GSG1L: variants seen among roughly 807,000 people sequenced by gnomAD.
GSG1L encodes the protein GSG1 like, also known as germ cell-specific gene 1-like protein.
In GSG1L, 24 loss-of-function variants were observed where a neutral mutation model predicts 42.1. The observed-to-expected ratio is 0.57, with a 90% confidence interval of 0.41 to 0.80. The LOEUF (loss-of-function observed/expected upper bound fraction) is 0.80. Ranked by LOEUF, GSG1L falls within the 30% of genes least tolerant of loss-of-function variation. GSG1L has a pLI of 0.00. For synonymous variants in GSG1L, 215 were observed against 203.5 expected (o/e 1.06, Z -0.48); for missense variants, 445 against 472.2 (o/e 0.94, Z 0.53).
At chr16:27,907,131 A>C (rs574825437) in intron 2 of GSG1L, among the ~76,000 whole-genome samples, 2 of 152,220 alleles carry the variant, frequency 1.3e-5, no homozygotes, top group Non-Finnish European at 2.9e-5. Flanking sequence ...AATTTGCAGA[A>C]ACATCTGTTG....
chr16:27,919,223 G>T (rs1024282739), intron 2 of GSG1L, among the ~76,000 whole-genome samples: 1 of 152,112 alleles, frequency 6.6e-6, no homozygotes, highest in Non-Finnish European at 1.5e-5. Context: ...TAAGGAGGAA[G>T]GAGTCAGTAC....
chr16:27,836,427 A>G (rs190525645), intron 4 of GSG1L, among the ~76,000 whole-genome samples: 4 of 151,958 alleles, frequency 2.6e-5, no homozygotes, highest in Non-Finnish European at 1.5e-5. Flanking sequence ...GTTTTCAGCC[A>G]TTATTTCTTT....
intron 3 of GSG1L, among the ~76,000 whole-genome samples, chr16:27,874,722 T>C (rs1320133225): frequency 6.6e-6 from 1 of 152,194 alleles, no homozygotes; most frequent in Non-Finnish European, 1.5e-5. Context: ...CTTGCCAACC[T>C]TGCCCTATGT....
intron 2 of GSG1L, among the ~76,000 whole-genome samples, chr16:27,915,196 TACACACACACACAC>T (rs66820312): frequency 1.2e-3 from 143 of 121,862 alleles, no homozygotes; most frequent in African/African-American, 2.4e-3. Flanking sequence ...CCAGAGGATG[TACACACACACACAC>T]ACACACACAC....
At chr16:27,850,812 T>A (rs12927708) in intron 3 of GSG1L, among the ~76,000 whole-genome samples, 87 of 51,030 alleles carry the variant, frequency 1.7e-3, no homozygotes, top group South Asian at 6.9e-3. Context: ...TTTTTTTTTA[T>A]TTTTTTTTTG....
rs142336950 is a variant in GSG1L at position 27,810,599 on chromosome 16, T to C, written c.831-3045A>G. 1.7e-3 allele frequency among the ~76,000 whole-genome samples: 262 copies of C among 152,286 alleles called. 1 individual carries two copies. Among genetic ancestry groups the C allele is most frequent in the African/African-American group, 5.9e-3 (244 of 41,566 alleles). ...TTATAAGGATCTCCTGTGGCCTGAG[T>C]GGCCCTAGGCACCAAACCAAAAGAA... On this transcript the variant is annotated intron_variant, in intron 5 of 6. Transcript: ENST00000447459.
At chr16:27,829,060 C>T in intron 4 of GSG1L, 104 bp from the exon 5 acceptor site, 1 of 1,104,626 alleles carries the variant, frequency 9.1e-7, no homozygotes, top group African/African-American at 1.6e-5. Context: ...GCTGCCTTTT[C>T]CTCTGGTACT....
intron 5 of GSG1L, among the ~76,000 whole-genome samples, chr16:27,818,305 T>C: frequency 6.6e-6 from 1 of 152,200 alleles, no homozygotes. Flanking sequence ...TCCTTTCAGA[T>C]GTTCCTCCCA....
intron 5 of GSG1L, among the ~76,000 whole-genome samples, chr16:27,815,936 C>T (rs1176163063): frequency 1.3e-5 from 2 of 152,112 alleles, no homozygotes; most frequent in African/African-American, 2.4e-5. Flanking sequence ...TGCACTCCAG[C>T]CTGGGTGACA....
At position 28,055,630 on chromosome 16, in the gene GSG1L, C is replaced by A. The variant is rs544004585; in HGVS notation, c.349+7446G>T. ...GGGACTACAGCTGCCTGCCACCACC[C>A]GGCTAATTTTTATATTTTTAGTAGA... On this transcript the variant is annotated intron_variant, in intron 1 of 6. Transcript: ENST00000447459. Among the ~76,000 whole-genome samples the A allele has an allele frequency of 2.0e-5, 3 of 152,112 alleles. No homozygotes were observed. In the East Asian group the frequency reaches 5.8e-4, roughly 29 times the overall value.
chr16:28,023,367 CT>C (rs1233793836), intron 1 of GSG1L, among the ~76,000 whole-genome samples: 1 of 152,198 alleles, frequency 6.6e-6, no homozygotes, highest in Non-Finnish European at 1.5e-5. Context: ...AGCCGTCCCC[CT>C]ATTAATGAAC....
chr16:27,984,059 G>A (rs1318947569), intron 1 of GSG1L, among the ~76,000 whole-genome samples: 2 of 152,170 alleles, frequency 1.3e-5, no homozygotes, highest in Admixed American at 1.3e-4. Flanking sequence ...GAAAGTCTGA[G>A]GTGTGACCAG....
intron 6 of GSG1L, among the ~76,000 whole-genome samples, chr16:27,793,251 G>A (rs1156830002): frequency 6.6e-6 from 1 of 152,162 alleles, no homozygotes; most frequent in African/African-American, 2.4e-5. Flanking sequence ...AGATGGTTGT[G>A]TCCATAGCTG....
At chr16:28,052,279 C>CT (rs923222071) in intron 1 of GSG1L, among the ~76,000 whole-genome samples, 10 of 151,870 alleles carry the variant, frequency 6.6e-5, no homozygotes, top group African/African-American at 2.2e-4. Flanking sequence ...TTTCTACTTT[C>CT]TTTTTTTTAT....
At chr16:27,801,678 A>G (rs1185849824) in intron 6 of GSG1L, among the ~76,000 whole-genome samples, 1 of 152,126 alleles carries the variant, frequency 6.6e-6, no homozygotes, top group East Asian at 1.9e-4. Context: ...GTCTGGAGGC[A>G]CCCCACATCC....
chr16:27,911,057 C>T (rs998028786), intron 2 of GSG1L, among the ~76,000 whole-genome samples: 2 of 152,028 alleles, frequency 1.3e-5, no homozygotes, highest in Admixed American at 1.3e-4. Context: ...ATTCCAGTTC[C>T]CTGCCCTGAG....
chr16:27,951,062 G>A (rs1202449373), intron 2 of GSG1L, among the ~76,000 whole-genome samples: 1 of 152,094 alleles, frequency 6.6e-6, no homozygotes, highest in East Asian at 1.9e-4. Context: ...ACACACCCTG[G>A]CATCAAGGGA....
chr16:27,950,387 G>T (rs1390425877), intron 2 of GSG1L, among the ~76,000 whole-genome samples: 1 of 152,128 alleles, frequency 6.6e-6, no homozygotes, highest in East Asian at 1.9e-4. Flanking sequence ...ATTGGAATTA[G>T]AGCAACTAAA....
chr16:27,886,354 C>A (rs1410102021), intron 2 of GSG1L, among the ~76,000 whole-genome samples: 1 of 152,138 alleles, frequency 6.6e-6, no homozygotes, highest in Non-Finnish European at 1.5e-5. Context: ...GCAGGAGAAT[C>A]GCTTGAACCC....
Sources: gnomAD v4.1 joint callset for allele counts (sites outside exome capture counted in the v4.1 genomes callset) on GRCh38, gnomAD v4.1.1 for gene constraint, MANE v1.5 for transcripts, NCBI Gene and HGNC (gene_info 2026-07-23, HGNC 2026-07-21) for gene names.